PLBD1: variants seen among roughly 807,000 people sequenced by gnomAD.
PLBD1 encodes phospholipase B domain containing 1.
Under a neutral mutation model 63.0 loss-of-function variants are expected in PLBD1, and 60 were observed. That is an observed-to-expected ratio of 0.95 (90% CI 0.77 to 1.18). The LOEUF is 1.18. Ranked by LOEUF, PLBD1 falls within the 50% of genes most tolerant of loss-of-function variation. PLBD1 has a pLI of 0.00. For missense variants in PLBD1, 598 were observed against 677.9 expected, an observed-to-expected ratio of 0.88 and a Z score of 1.31; for synonymous variants, 262 against 248.0, an observed-to-expected ratio of 1.06 and a Z score of -0.53.
At position 14,507,024 on chromosome 12, in the gene PLBD1, A is replaced by C. The variant is rs780153507; in HGVS notation, c.1281T>G (p.Ser427=). The change falls in exon 9 of 11, where the codon TCT becomes TCG. Residue 427 remains serine (S), a synonymous_variant. Coordinates refer to ENST00000240617, the MANE Select transcript of PLBD1 (RefSeq NM_024829.6). ...TTTTGGCTCGTGGAGCTAAATCATA[A>C]GAGTAGTCCAAGCCCAGCTTCTGAA... ...LLVQKLGLDY[S]YDLAPRAKIF... 3 of 1,613,996 alleles carry C rather than the reference A, an allele frequency of 1.9e-6. No homozygotes were observed. The Admixed American group carries it at 5.0e-5, about 27-fold the overall frequency.
chr12:14,556,264 T>C (rs775713377), intron 1 of PLBD1, among the ~76,000 whole-genome samples: 8 of 152,178 alleles, frequency 5.3e-5, no homozygotes, highest in Non-Finnish European at 1.2e-4. Flanking sequence ...GATCAGGAGT[T>C]TAGTTTTAGA....
chr12:14,540,694 T>A, intron 4 of PLBD1, 70 bp downstream of exon 4: 1 of 1,392,920 alleles, frequency 7.2e-7, no homozygotes. Context: ...ATTGGAATGT[T>A]ATTTTAAAGA....
chr12:14,520,708 T>C (rs984749751), intron 6 of PLBD1, among the ~76,000 whole-genome samples: 5 of 152,210 alleles, frequency 3.3e-5, no homozygotes, highest in African/African-American at 4.8e-5. Context: ...ATTCTGCCTT[T>C]GCCACTTCGT....
rs780618693 is a variant in PLBD1 at position 14,511,605 on chromosome 12, G to A, written c.951C>T (p.Pro317=). 21 of 1,614,126 alleles carry A rather than the reference G, an allele frequency of 1.3e-5. No homozygotes were observed. The highest frequency in any genetic ancestry group is 1.4e-5 in the Non-Finnish European group (16 of 1,180,010). ...FNKTLLKQVI[P]ETLLSWQRVR... is the part of the protein sequence containing the mutation. ...CTCTTTGCCAGGACAGGAGAGTCTC[G>A]GGTATTACCTGCTTTAGCAGGGTTT... Residue 317 remains proline (P), a synonymous_variant, in exon 7 of 11, where the codon CCC becomes CCT. Coordinates refer to ENST00000240617, the MANE Select transcript of PLBD1 (RefSeq NM_024829.6).
intron 6 of PLBD1, among the ~76,000 whole-genome samples, chr12:14,532,342 AC>A (rs1406017771): frequency 6.6e-6 from 1 of 152,204 alleles, no homozygotes; most frequent in Admixed American, 6.5e-5. Flanking sequence ...GACACATGGT[AC>A]AGAGCTGCAG....
At chr12:14,536,196 A>G (rs1945512977) in intron 5 of PLBD1, 12 of 229,854 alleles carry the variant, frequency 5.2e-5, no homozygotes, top group South Asian at 5.0e-4. Flanking sequence ...CTACTCGGGA[A>G]GCTGAGGCAG....
intron 4 of PLBD1, 130 bp downstream of exon 4, chr12:14,540,634 T>A: frequency 9.7e-7 from 1 of 1,034,066 alleles, no homozygotes; most frequent in Non-Finnish European, 1.3e-6. Flanking sequence ...CTATGACAGT[T>A]CTTTTCCGTA....
chr12:14,508,677 C>T (rs1161222963), intron 8 of PLBD1, among the ~76,000 whole-genome samples: 2 of 151,974 alleles, frequency 1.3e-5, no homozygotes, highest in African/African-American at 2.4e-5. Flanking sequence ...GGCTGAGGCC[C>T]GAGAACCGCT....
At chr12:14,536,797 T>G in intron 4 of PLBD1, 87 bp from the exon 5 acceptor site, 3 of 1,514,554 alleles carry the variant, frequency 2.0e-6, no homozygotes, top group East Asian at 2.3e-5. Context: ...CATTAAATTA[T>G]TCCCTTGCAG....
Position 14,535,577 on chromosome 12 carries a change from C to G in PLBD1, c.844+82G>C, listed in dbSNP as rs1464455475. The G allele has an allele frequency of 8.4e-6, 12 of 1,428,436 alleles. No individual in the cohort carries two copies. In the East Asian group the frequency reaches 2.5e-4, roughly 30 times the overall value. 88.5% of individuals were successfully genotyped at this position (1,428,436 alleles called of 1,614,324 possible). ...ACTAACCATTAAACATTTCTTCTCC[C>G]ATTGCAGTTAACACTGAATCACTAA... On this transcript the variant is annotated intron_variant, in intron 6 of 10. Coordinates refer to ENST00000240617, the MANE Select transcript of PLBD1 (RefSeq NM_024829.6).
At chr12:14,527,357 T>C (rs1945424550) in intron 6 of PLBD1, among the ~76,000 whole-genome samples, 1 of 152,198 alleles carries the variant, frequency 6.6e-6, no homozygotes, top group South Asian at 2.1e-4. Context: ...CAGTCTGATA[T>C]GATATTGTGC....
At chr12:14,521,227 C>CT (rs1241820296) in intron 6 of PLBD1, among the ~76,000 whole-genome samples, 1 of 152,070 alleles carries the variant, frequency 6.6e-6, no homozygotes, top group Non-Finnish European at 1.5e-5. Flanking sequence ...GTGAAACAGC[C>CT]ATAACCTTGG....
intron 5 of PLBD1, 55 bp downstream of exon 5, chr12:14,536,515 T>A: frequency 1.3e-6 from 2 of 1,587,674 alleles, no homozygotes; most frequent in East Asian, 4.5e-5. Context: ...TTGGGCGCTA[T>A]ATAGAAAAAG....
rs752099724 is a variant in PLBD1 at position 14,553,295 on chromosome 12, C to T, written c.233G>A (p.Gly78Asp). ...AGCTCTGATCTCCAGGATGCCCCAG[C>T]CTGTGGTTTTCACAGAGTTATTGTA... Reference protein sequence around the residue: ...GFYNNSVKTTGWGILEIRAGY... With the variant: ...GFYNNSVKTTDWGILEIRAGY... Residue 78 changes from glycine to aspartate, a missense_variant, in exon 2 of 11, where the codon GGC becomes GAC. Gly to Asp is a moderately conservative substitution (Grantham distance 94). Coordinates refer to ENST00000240617, the MANE Select transcript of PLBD1 (RefSeq NM_024829.6). 4.3e-6 allele frequency: 7 copies of T among 1,614,180 alleles called. No homozygotes were observed. The highest frequency in any genetic ancestry group is 5.1e-6 in the Non-Finnish European group (6 of 1,180,026).
chr12:14,511,532 T>C lies in PLBD1; in HGVS notation c.1024A>G (p.Ile342Val), dbSNP rs760495634. ...MADSGKRWADIFSKYNSGTYN... is the reference protein window; with the variant it reads ...MADSGKRWADVFSKYNSGTYN... ...TTACCAGAGTTGTATTTTGAAAAGATGTCTGCCCACCTCTTGCCACTATCT... is the reference window on the plus strand; with the variant it reads ...TTACCAGAGTTGTATTTTGAAAAGACGTCTGCCCACCTCTTGCCACTATCT... The change falls in exon 7 of 11, where the codon ATC (isoleucine) becomes GTC (valine). Residue 342 changes from isoleucine to valine, a missense_variant. Physicochemically the swap from Ile to Val is conservative, Grantham distance 29 (BLOSUM62 3). Transcript: ENST00000240617. 6.2e-7 allele frequency: 1 copy of C among 1,614,242 alleles called. No homozygotes were observed. The highest frequency in any genetic ancestry group is 1.1e-5 in the South Asian group (1 of 91,086).
At chr12:14,524,554 T>A (rs1161885120) in intron 6 of PLBD1, among the ~76,000 whole-genome samples, 2 of 152,214 alleles carry the variant, frequency 1.3e-5, no homozygotes, top group Admixed American at 1.3e-4. Flanking sequence ...CAGTTAACAA[T>A]ATTGTGTTAC....
In PLBD1 at chr12:14,511,405, A is replaced by C. The variant is rs759802437; in HGVS notation, c.1046-5T>G. 6.2e-7 allele frequency: 1 copy of C among 1,613,130 alleles called. No homozygotes were observed. The highest frequency in any genetic ancestry group is 8.5e-7 in the Non-Finnish European group (1 of 1,179,450). ...TGTATTGATTGTTATAGGTGCCTGA[A>C]ATATCAGGAAACATGAAGACGGGGC... On this transcript the variant is annotated splice_polypyrimidine_tract_variant and splice_region_variant and intron_variant, in intron 7 of 10. Transcript: ENST00000240617.
chr12:14,536,950 G>A (rs7295283), intron 4 of PLBD1, among the ~76,000 whole-genome samples: 135,983 of 151,736 alleles, frequency 0.9, 62,256 homozygotes, highest in East Asian at 0.99. Context: ...TTAGTTGGGC[G>A]TGGTGGCGGG....
intron 6 of PLBD1, among the ~76,000 whole-genome samples, chr12:14,525,033 C>T (rs576760011): frequency 6.6e-5 from 10 of 152,198 alleles, no homozygotes; most frequent in Non-Finnish European, 8.8e-5. Flanking sequence ...GAGGCCAAGG[C>T]GGGTGGATCA....
Sources: allele counts gnomAD v4.1 joint callset (sites outside exome capture counted in the v4.1 genomes callset), GRCh38; gene constraint gnomAD v4.1.1; transcripts MANE v1.5; gene names NCBI Gene and HGNC (gene_info 2026-07-23, HGNC 2026-07-21).